The following GUCY1A1 variants were observed in gnomAD, a reference collection of about 807,000 sequenced individuals.
The protein encoded by GUCY1A1 is guanylate cyclase 1 soluble subunit alpha 1, also known as guanylate cyclase soluble subunit alpha-1.
GUCY1A1 carries 48 observed loss-of-function variants against 64.5 expected under a neutral mutation model. That is an observed-to-expected ratio of 0.74 (90% CI 0.59 to 0.95). The LOEUF (loss-of-function observed/expected upper bound fraction) is 0.95. GUCY1A1 is among the 40% of genes least tolerant of loss of function. The pLI is 0.00. For missense variants in GUCY1A1, 804 were observed against 825.3 expected (o/e 0.97, Z 0.32); for synonymous variants, 308 against 303.4 (o/e 1.02, Z -0.16).
At chr4:155,699,123 T>C (rs957032288) in intron 3 of GUCY1A1, among the ~76,000 whole-genome samples, 70 of 152,166 alleles carry the variant, frequency 4.6e-4, no homozygotes, top group African/African-American at 1.7e-3. Context: ...ATTTTTCGTG[T>C]CCCTTGTAGC....
At chr4:155,715,257 G>C (rs756161176) in intron 7 of GUCY1A1, among the ~76,000 whole-genome samples, 2 of 152,084 alleles carry the variant, frequency 1.3e-5, no homozygotes, top group African/African-American at 2.4e-5. Context: ...TACACAAAAT[G>C]TATAATCGTA....
chr4:155,699,678 A>T (rs1730840001), intron 3 of GUCY1A1, among the ~76,000 whole-genome samples: 1 of 152,148 alleles, frequency 6.6e-6, no homozygotes, highest in African/African-American at 2.4e-5. Context: ...CTTATCTTTG[A>T]TAAATACTTG....
In GUCY1A1 at chr4:155,735,680, G is replaced by A. The variant is rs571511576; in HGVS notation, c.*5449G>A. The A allele has an allele frequency of 1.0e-3, 152 of 152,078 alleles. No individual in the cohort carries two copies. The highest frequency in any genetic ancestry group is 3.5e-3 in the African/African-American group (147 of 41,530). The allele number at this position is 152,078 out of a possible 1,614,324, so 9.4% of individuals were successfully genotyped here. A position where few individuals can be genotyped will look rare whatever the true frequency, so the allele number is the denominator to read the frequency against. ...CTCAGATGTTTGTTCCATCTGAAAT[G>A]CTGCCAAATCCATCTGTATTGAGGA... On this transcript the variant is annotated 3_prime_UTR_variant, in exon 10 of 10. Transcript: ENST00000506455.
intron 2 of GUCY1A1, among the ~76,000 whole-genome samples, chr4:155,695,811 CTT>C (rs1022175974): frequency 2.6e-5 from 4 of 152,252 alleles, no homozygotes; most frequent in East Asian, 3.9e-4. Flanking sequence ...CTTTTCCACT[CTT>C]TGTTTTTCTT....
chr4:155,728,002 A>G (rs1337694259), intron 9 of GUCY1A1, among the ~76,000 whole-genome samples: 1 of 151,854 alleles, frequency 6.6e-6, no homozygotes, highest in Non-Finnish European at 1.5e-5. Flanking sequence ...GAAAATGGGT[A>G]GAGAGAGGCA....
At chr4:155,691,832 G>A (rs1457551164) in intron 2 of GUCY1A1, among the ~76,000 whole-genome samples, 1 of 152,086 alleles carries the variant, frequency 6.6e-6, no homozygotes, top group Non-Finnish European at 1.5e-5. Context: ...TACAAGTGCA[G>A]TTTGTTACAT....
intron 2 of GUCY1A1, among the ~76,000 whole-genome samples, chr4:155,681,314 TATA>T (rs1735728355): frequency 2.6e-5 from 4 of 152,154 alleles, no homozygotes; most frequent in Non-Finnish European, 4.4e-5. Context: ...TTGTGCTCTG[TATA>T]GTAAGTATTT....
intron 3 of GUCY1A1, among the ~76,000 whole-genome samples, chr4:155,701,098 G>A (rs1360098426): frequency 1.3e-5 from 2 of 152,074 alleles, no homozygotes; most frequent in African/African-American, 4.8e-5. Flanking sequence ...CAGCACCAAG[G>A]TAGGAAACTC....
intron 2 of GUCY1A1, among the ~76,000 whole-genome samples, chr4:155,693,528 T>A (rs1730026978): frequency 1.3e-5 from 2 of 152,144 alleles, no homozygotes; most frequent in East Asian, 1.9e-4. Context: ...TATTCTGTAT[T>A]CCTGGCAGGC....
rs1034786787 is a variant in GUCY1A1 at position 155,730,369 on chromosome 4, G to T, written c.*138G>T. 3 of 495,816 alleles carry T rather than the reference G, an allele frequency of 6.1e-6. No homozygotes were observed. Among genetic ancestry groups the T allele is most frequent in the East Asian group, 6.1e-5 (2 of 32,930 alleles). 30.7% of individuals were successfully genotyped at this position (495,816 alleles called of 1,614,324 possible). A position where few individuals can be genotyped will look rare whatever the true frequency, so the allele number is the denominator to read the frequency against. The stretch of plus-strand genomic sequence containing the variant: ...GGAGCCAAGTCACAATCTTTCTCCT[G>T]TTTAACATGACAAAATGTATGTACT... On this transcript the variant is annotated 3_prime_UTR_variant, in exon 10 of 10. Transcript: ENST00000506455.
chr4:155,698,998 A>G (rs1199687603), intron 3 of GUCY1A1, among the ~76,000 whole-genome samples: 2 of 152,094 alleles, frequency 1.3e-5, no homozygotes, highest in African/African-American at 4.8e-5. Context: ...ATAACCCACT[A>G]AATTTCATTA....
intron 2 of GUCY1A1, among the ~76,000 whole-genome samples, chr4:155,687,000 G>T (rs1232344299): frequency 8.5e-5 from 13 of 152,090 alleles, no homozygotes; most frequent in Admixed American, 7.9e-4. Context: ...ATCAAGTAAA[G>T]ATTGCTTTCT....
chr4:155,709,891 T>A (rs7690008), intron 5 of GUCY1A1, among the ~76,000 whole-genome samples: 3 of 152,006 alleles, frequency 2.0e-5, no homozygotes, highest in Non-Finnish European at 4.4e-5. Flanking sequence ...GCTTTTATGA[T>A]AAAAAATAAT....
At chr4:155,717,713 A>G (rs1733447048) in intron 8 of GUCY1A1, among the ~76,000 whole-genome samples, 1 of 152,126 alleles carries the variant, frequency 6.6e-6, no homozygotes, top group Non-Finnish European at 1.5e-5. Context: ...CTTCAAAACC[A>G]CATCTACTAT....
Position 155,710,979 on chromosome 4 carries a change from C to T in GUCY1A1, c.814C>T (p.Gln272Ter). The T allele has an allele frequency of 6.2e-6, 10 of 1,613,438 alleles. No homozygotes were observed. The highest frequency in any genetic ancestry group is 8.5e-6 in the Non-Finnish European group (10 of 1,179,356). The change falls in exon 6 of 10, where the codon CAG (glutamine) becomes TAG (stop). Residue 272 changes from glutamine to a stop codon, truncating the protein, a stop_gained. Transcript: ENST00000506455. LOFTEE classifies it high-confidence loss of function. The part of the protein sequence containing the change: ...TKPSLSPSKP[Q>*]SSLVIPTSLF... ...GCCATCCCTGTCCCCCAGCAAACCC[C>T]AGTCCTCGCTGGTGATTCCCACATC...
rs1735549394 is a variant in GUCY1A1 at position 155,731,539 on chromosome 4, G to T, written c.*1308G>T. 6.6e-6 allele frequency: 1 copy of T among 151,722 alleles called. No individual in the cohort carries two copies. The highest frequency in any genetic ancestry group is 1.5e-5 in the Non-Finnish European group (1 of 67,828). The allele number at this position is 151,722 out of a possible 1,614,324, so 9.4% of individuals were successfully genotyped here. A position where few individuals can be genotyped will look rare whatever the true frequency, so the allele number is the denominator to read the frequency against. On this transcript the variant is annotated 3_prime_UTR_variant, in exon 10 of 10. Transcript: ENST00000506455. ...CTTTTTGTTTTACATAAACATTTAA[G>T]CAGCTAGGAACTTTTAGTTTTAGTT...
chr4:155,724,968 C>T (rs1734461956), intron 9 of GUCY1A1, among the ~76,000 whole-genome samples: 1 of 152,028 alleles, frequency 6.6e-6, no homozygotes, highest in African/African-American at 2.4e-5. Flanking sequence ...TATCACCATC[C>T]ACCTAGTTAC....
intron 2 of GUCY1A1, among the ~76,000 whole-genome samples, chr4:155,671,691 T>C (rs1350980885): frequency 6.6e-6 from 1 of 152,164 alleles, no homozygotes; most frequent in African/African-American, 2.4e-5. Context: ...GCATAAGAAC[T>C]CTTTTCTTAT....
At chr4:155,674,363 AAGAAAG>A (rs1258295196) in intron 2 of GUCY1A1, among the ~76,000 whole-genome samples, 1 of 150,964 alleles carries the variant, frequency 6.6e-6, no homozygotes, top group Non-Finnish European at 1.5e-5. Flanking sequence ...AAAAAAAAAA[AAGAAAG>A]AAAGAAAGAA....
Sources: allele counts gnomAD v4.1 joint callset (sites outside exome capture counted in the v4.1 genomes callset), GRCh38; gene constraint gnomAD v4.1.1; transcripts MANE v1.5; gene names NCBI Gene and HGNC (gene_info 2026-07-23, HGNC 2026-07-21).